The following ZER1 variants were observed in gnomAD, a reference collection of about 807,000 sequenced individuals.
The protein encoded by ZER1 is zyg-11 related cell cycle regulator.
ZER1 carries 11 observed loss-of-function variants against 78.8 expected under a neutral mutation model. The ratio of observed to expected loss-of-function variants is 0.14; its 90% CI spans 0.09 to 0.23. The LOEUF is 0.23. Ranked by LOEUF, ZER1 falls within the 10% of genes least tolerant of loss-of-function variation. The pLI is 1.00. For missense variants in ZER1, 588 were observed against 996.9 expected (o/e 0.59, Z 5.52); for synonymous variants, 400 against 407.0 (o/e 0.98, Z 0.21).
chr9:128,746,910 A>C (rs911549310), intron 8 of ZER1, among the ~76,000 whole-genome samples: 2 of 152,106 alleles, frequency 1.3e-5, no homozygotes, highest in Non-Finnish European at 2.9e-5. Flanking sequence ...TGCTGGGATT[A>C]TAGGCATGAG....
intron 1 of ZER1, among the ~76,000 whole-genome samples, chr9:128,763,340 C>T (rs780354977): frequency 6.6e-6 from 1 of 152,184 alleles, no homozygotes; most frequent in Non-Finnish European, 1.5e-5. Context: ...CCCCCACAGG[C>T]CCGATCTACC....
chr9:128,736,529 G>A (rs1309901397), intron 13 of ZER1, among the ~76,000 whole-genome samples: 1 of 151,614 alleles, frequency 6.6e-6, no homozygotes, highest in Non-Finnish European at 1.5e-5. Flanking sequence ...GAGTAGCTGG[G>A]ACTACAGGTG....
Position 128,751,289 on chromosome 9 carries a change from G to A in ZER1, c.1039-21C>T. 1 of 1,600,936 alleles carries A rather than the reference G, an allele frequency of 6.2e-7. No homozygotes were observed. The highest frequency in any genetic ancestry group is 1.7e-5 in the Admixed American group (1 of 59,542). The stretch of plus-strand genomic sequence containing the variant: ...CTTACCTGCGGGTGGGACACGCTCA[G>A]AACAACCCAGCAGAGGCCAAGGGCT... On this transcript the variant is annotated intron_variant, in intron 6 of 15. Coordinates refer to ENST00000291900, the MANE Select transcript of ZER1 (RefSeq NM_006336.4). The surrounding 1 kb of genome is among the most constrained non-coding windows in gnomAD (Gnocchi z 5.4).
intron 8 of ZER1, among the ~76,000 whole-genome samples, chr9:128,749,240 A>AC (rs1863599918): frequency 6.6e-6 from 1 of 151,742 alleles, no homozygotes; most frequent in South Asian, 2.1e-4. Flanking sequence ...AGGCAGGAGG[A>AC]TCACTTGAAC....
intron 5 of ZER1, among the ~76,000 whole-genome samples, chr9:128,752,229 C>T (rs943496905): frequency 6.6e-6 from 1 of 152,212 alleles, no homozygotes; most frequent in Non-Finnish European, 1.5e-5. Flanking sequence ...ATTGTCCCCA[C>T]CAGCTCACAC....
rs575010117 is a variant in ZER1, at chr9:128,742,515, G to A, written c.1575+15C>T. The A allele has an allele frequency of 3.3e-5, 53 of 1,612,948 alleles. No homozygotes were observed. The highest frequency in any genetic ancestry group is 6.7e-5 in the Admixed American group (4 of 60,004). On this transcript the variant is annotated intron_variant, in intron 9 of 15. Transcript: ENST00000291900. ...TGAGGCTCAGGAGGAAGGGGGCAGCGCCCCCCACACGTACCACGACAAAGC... is the reference window on the plus strand; with the variant it reads ...TGAGGCTCAGGAGGAAGGGGGCAGCACCCCCCACACGTACCACGACAAAGC...
intron 15 of ZER1, chr9:128,733,173 A>G (rs1419659984): frequency 2.2e-6 from 1 of 450,656 alleles, no homozygotes; most frequent in Non-Finnish European, 4.1e-6. Flanking sequence ...TGTTGGGAAT[A>G]AAAGAAAACT....
chr9:128,749,123 T>C (rs1863594507), intron 8 of ZER1, among the ~76,000 whole-genome samples: 2 of 147,294 alleles, frequency 1.4e-5, no homozygotes, highest in African/African-American at 5.0e-5. Context: ...AGCTCAGGAG[T>C]TCGAGACCAG....
Position 128,755,313 on chromosome 9 carries a change from A to G in ZER1, c.158+95T>C, listed in dbSNP as rs1464675495. ...CACACACCCTCACACATTCATCTCCATAGCTACTCCCCACATAGTGCACAC... is the reference window on the plus strand; with the variant it reads ...CACACACCCTCACACATTCATCTCCGTAGCTACTCCCCACATAGTGCACAC... On this transcript the variant is annotated intron_variant, in intron 2 of 15. Coordinates refer to ENST00000291900, the MANE Select transcript of ZER1 (RefSeq NM_006336.4). This position sits in a 1 kb window ranked among gnomAD's most constrained non-coding sequence, Gnocchi z 5.6. 2 of 1,532,552 alleles carry G rather than the reference A, an allele frequency of 1.3e-6. No individual in the cohort carries two copies. Among genetic ancestry groups the G allele is most frequent in the Non-Finnish European group, 1.8e-6 (2 of 1,119,848 alleles). The allele number at this position is 1,532,552 out of a possible 1,614,324, so 94.9% of individuals were successfully genotyped here.
At chr9:128,758,742 C>T (rs1405389975) in intron 1 of ZER1, among the ~76,000 whole-genome samples, 1 of 151,806 alleles carries the variant, frequency 6.6e-6, no homozygotes, top group Admixed American at 6.6e-5. Flanking sequence ...ACCTGGCCAA[C>T]CCTTACTGCA....
In ZER1 at chr9:128,751,373, A is replaced by G. The variant is rs755735605; in HGVS notation, c.1038+40T>C. On this transcript the variant is annotated intron_variant, in intron 6 of 15. Coordinates refer to ENST00000291900, the MANE Select transcript of ZER1 (RefSeq NM_006336.4). The surrounding 1 kb of genome is among the most constrained non-coding windows in gnomAD (Gnocchi z 5.4). ...AGAATCCAGCTCCTTCTCTCTCCCA[A>G]GGCTCCCTGGCCCAGACCCATCCCA... The G allele has an allele frequency of 8.7e-6, 14 of 1,613,256 alleles. No individual in the cohort carries two copies. In the Admixed American group the frequency reaches 1.8e-4, roughly 21 times the overall value.
chr9:128,763,802 A>C (rs1864121537), intron 1 of ZER1, among the ~76,000 whole-genome samples: 1 of 152,232 alleles, frequency 6.6e-6, no homozygotes. Context: ...AGCCTGGCCA[A>C]CATGGTGAAA....
chr9:128,760,885 C>T (rs912862674), intron 1 of ZER1, among the ~76,000 whole-genome samples: 24 of 151,650 alleles, frequency 1.6e-4, no homozygotes, highest in Admixed American at 1.3e-3. Flanking sequence ...ATAGGCCAGG[C>T]GCGGTGGCTC....
At chr9:128,742,077 T>A (rs969128701) in intron 9 of ZER1, among the ~76,000 whole-genome samples, 1 of 152,220 alleles carries the variant, frequency 6.6e-6, no homozygotes, top group African/African-American at 2.4e-5. Flanking sequence ...CCCTGTGACT[T>A]TGGGCACAGC....
intron 10 of ZER1, 61 bp from the exon 11 acceptor site, chr9:128,741,715 C>T (rs1377448426): frequency 1.2e-6 from 2 of 1,613,916 alleles, no homozygotes; most frequent in Non-Finnish European, 8.5e-7. Flanking sequence ...GGGCCCCTGA[C>T]AAAACACAGA....
In ZER1 at chr9:128,734,162, T is replaced by TAA. The variant is rs1554784868; in HGVS notation, c.2141-636_2141-635dup. Among the ~76,000 whole-genome samples the TAA allele has an allele frequency of 2.0e-4, 13 of 63,460 alleles. 1 individual carries two copies. The highest frequency in any genetic ancestry group is 5.7e-4 in the African/African-American group (13 of 22,646). 41.6% of individuals were successfully genotyped at this position (63,460 alleles called of 152,430 possible). A position where few individuals can be genotyped will look rare whatever the true frequency, so the allele number is the denominator to read the frequency against. On this transcript the variant is annotated intron_variant, in intron 14 of 15. Coordinates refer to ENST00000291900, the MANE Select transcript of ZER1 (RefSeq NM_006336.4). Reference sequence around the variant, plus strand: ...AAAAAAAAATATATATATATATATATAAAATCTTAAAAAAAATATATATAT... The same window carrying TAA: ...AAAAAAAAATATATATATATATATATAAAAAATCTTAAAAAAAATATATATAT...
Position 128,735,550 on chromosome 9 carries a change from TG to T in ZER1, c.2043-120del, listed in dbSNP as rs1355617440. The T allele has an allele frequency of 4.1e-6, 4 of 986,006 alleles. No individual in the cohort carries two copies. In the African/African-American group the frequency reaches 6.6e-5, roughly 16 times the overall value. The allele number at this position is 986,006 out of a possible 1,614,324, so 61.1% of individuals were successfully genotyped here. A position where few individuals can be genotyped will look rare whatever the true frequency, so the allele number is the denominator to read the frequency against. ...GACCAACCATGATAGGCTGGCAGGA[TG>T]CCAGGGAGAAGGGACAGCTGGCCCT... On this transcript the variant is annotated intron_variant, in intron 13 of 15. Transcript: ENST00000291900.
chr9:128,766,949 T>C (rs1246772821), intron 1 of ZER1, among the ~76,000 whole-genome samples: 5 of 146,262 alleles, frequency 3.4e-5, no homozygotes, highest in Non-Finnish European at 7.5e-5. Context: ...TTTTTCTTTC[T>C]TTTTTTTTTT....
intron 1 of ZER1, among the ~76,000 whole-genome samples, chr9:128,761,179 G>T (rs1277260301): frequency 4.6e-5 from 7 of 151,672 alleles, no homozygotes; most frequent in Admixed American, 4.6e-4. Flanking sequence ...AAAAGGGAGG[G>T]GGGGATAATA....
Sources: allele counts gnomAD v4.1 joint callset (sites outside exome capture counted in the v4.1 genomes callset), GRCh38; gene constraint gnomAD v4.1.1; non-coding constraint Gnocchi (gnomAD v3.1); transcripts MANE v1.5; gene names NCBI Gene and HGNC (gene_info 2026-07-23, HGNC 2026-07-21).